UTS2R: variants seen among roughly 807,000 people sequenced by gnomAD.
UTS2R encodes the protein urotensin-2 receptor.
For missense variants in UTS2R, 653 were observed against 562.2 expected, an observed-to-expected ratio of 1.16 and a Z score of -1.63; for synonymous variants, 335 against 280.9, an observed-to-expected ratio of 1.19 and a Z score of -1.93.
Position 82,377,267 on chromosome 17 carries a change from CA to C in UTS2R, c.*1774del, listed in dbSNP as rs1427090612. On this transcript the variant is annotated 3_prime_UTR_variant, in exon 3 of 3. Transcript: ENST00000313135. Reference sequence around the variant, plus strand: ...TTGTTAAACAGATGCTTGAAGGCAGCACGCTCGTTAGGAGTCATCACCACTC... The same window carrying C: ...TTGTTAAACAGATGCTTGAAGGCAGCCGCTCGTTAGGAGTCATCACCACTC... Among the ~76,000 whole-genome samples the C allele has an allele frequency of 1.3e-5, 2 of 152,280 alleles. No homozygotes were observed. The highest frequency in any genetic ancestry group is 3.9e-4 in the East Asian group (2 of 5,192).
rs1280451594 is a variant in UTS2R at position 82,373,139 on chromosome 17, CT to C, written c.-83+361del. 2.6e-5 allele frequency among the ~76,000 whole-genome samples: 4 copies of C among 151,948 alleles called. No individual in the cohort carries two copies. The East Asian group carries it at 7.7e-4, about 29-fold the overall frequency. On this transcript the variant is annotated intron_variant, in intron 2 of 2. Transcript: ENST00000313135. ...TTCTTCCCTATATTTTTCTTACCAG[CT>C]TTTTGTCTATGTTTCTTCTTTTTTT...
At position 82,376,500 on chromosome 17, in the gene UTS2R, G is replaced by A. The variant is rs2143120182; in HGVS notation, c.*1006G>A. 6.6e-6 allele frequency among the ~76,000 whole-genome samples: 1 copy of A among 152,122 alleles called. No homozygotes were observed. The highest frequency in any genetic ancestry group is 2.1e-4 in the South Asian group (1 of 4,820). On this transcript the variant is annotated 3_prime_UTR_variant, in exon 3 of 3. Coordinates refer to ENST00000313135, the MANE Select transcript of UTS2R (RefSeq NM_018949.3). ...ATCTGAACACTGGGGCAAGGGTCAT[G>A]CCCGCTTGGTCCCTCCAGTGCCTAC... is the stretch of plus-strand genomic sequence containing the variant.
In UTS2R at chr17:82,374,574, G is replaced by A. The variant is rs1193511427; in HGVS notation, c.250G>A (p.Ala84Thr). The change falls in exon 3 of 3, where the codon GCC (alanine) becomes ACC (threonine). Residue 84 changes from alanine to threonine, a missense_variant. Physicochemically the swap from Ala to Thr is moderately conservative, Grantham distance 58. Transcript: ENST00000313135. ...VVTCRSLRAV[A>T]SMYVYVVNLA... ...CACCTGCCGCTCCCTGCGTGCGGTG[G>A]CCTCCATGTACGTCTACGTGGTCAA... The A allele has an allele frequency of 1.9e-6, 3 of 1,600,968 alleles. No individual in the cohort carries two copies. Among genetic ancestry groups the A allele is most frequent in the Non-Finnish European group, 2.6e-6 (3 of 1,174,354 alleles).
chr17:82,375,287 C>G lies in UTS2R; in HGVS notation c.963C>G (p.Asn321Lys). Residue 321 changes from asparagine to lysine, a missense_variant, in exon 3 of 3, where the codon AAC becomes AAG. Coordinates refer to ENST00000313135, the MANE Select transcript of UTS2R (RefSeq NM_018949.3). ...NPFLYTLLTR[N>K]YRDHLRGRVR... is the part of the protein sequence containing the mutation. ...TCCTCTACACGCTGCTCACCAGGAACTACCGCGACCACCTGCGCGGCCGCG... is the reference window on the plus strand; with the variant it reads ...TCCTCTACACGCTGCTCACCAGGAAGTACCGCGACCACCTGCGCGGCCGCG... The G allele has an allele frequency of 6.4e-7, 1 of 1,557,926 alleles. No homozygotes were observed. The highest frequency in any genetic ancestry group is 8.7e-7 in the Non-Finnish European group (1 of 1,152,990).
chr17:82,374,501 G>T lies in UTS2R; in HGVS notation c.177G>T (p.Ser59=). 1 of 1,587,978 alleles carries T rather than the reference G, an allele frequency of 6.3e-7. No individual in the cohort carries two copies. Among genetic ancestry groups the T allele is most frequent in the East Asian group, 2.3e-5 (1 of 43,752 alleles). The change falls in exon 3 of 3, where the codon TCG becomes TCT. Residue 59 remains serine, a synonymous_variant. Transcript: ENST00000313135. ...CGGGCACCATTGGGACTCTGCTGTC[G>T]GCCATGGGCGTGGTGGGCGTGGTGG... ...VATGTIGTLL[S]AMGVVGVVGN... is the part of the protein sequence containing the mutation.
rs116261219 is a variant in UTS2R at position 82,376,136 on chromosome 17, G to T, written c.*642G>T. On this transcript the variant is annotated 3_prime_UTR_variant, in exon 3 of 3. Coordinates refer to ENST00000313135, the MANE Select transcript of UTS2R (RefSeq NM_018949.3). ...GGTGGAGCAGGGAAGGCACTGCCCAGCAGAGGCCTGAGGCTTTGGGTGCAG... is the reference window on the plus strand; with the variant it reads ...GGTGGAGCAGGGAAGGCACTGCCCATCAGAGGCCTGAGGCTTTGGGTGCAG... Among the ~76,000 whole-genome samples the T allele has an allele frequency of 5.2e-3, 790 of 152,330 alleles. 7 individuals carry two copies. Among genetic ancestry groups the T allele is most frequent in the African/African-American group, 0.018 (751 of 41,566 alleles).
At position 82,375,504 on chromosome 17, in the gene UTS2R, G is replaced by A; in HGVS notation, c.*10G>A. ...CAGGGCCCCGGCGTGAGCACGCGGA[G>A]GGGCGGCTGGAGTCCAGGCGGGGAC... On this transcript the variant is annotated 3_prime_UTR_variant, in exon 3 of 3. Coordinates refer to ENST00000313135, the MANE Select transcript of UTS2R (RefSeq NM_018949.3). 1 of 1,203,224 alleles carries A rather than the reference G, an allele frequency of 8.3e-7. No homozygotes were observed. The highest frequency in any genetic ancestry group is 1.1e-6 in the Non-Finnish European group (1 of 898,266). The allele number at this position is 1,203,224 out of a possible 1,614,324, so 74.5% of individuals were successfully genotyped here. A position where few individuals can be genotyped will look rare whatever the true frequency, so the allele number is the denominator to read the frequency against.
intron 1 of UTS2R, among the ~76,000 whole-genome samples, 192 bp from the exon 2 acceptor site, chr17:82,372,406 G>A (rs548671145): frequency 6.6e-6 from 1 of 152,312 alleles, no homozygotes; most frequent in African/African-American, 2.4e-5. Flanking sequence ...GACAGATGGA[G>A]CTGGGAGCTG....
In UTS2R at chr17:82,375,344, GC is replaced by G. The variant is rs1468755611; in HGVS notation, c.1023del (p.Val342PhefsTer110). Reference sequence around the variant, plus strand: ...GCCCGGGCAGCGGGGGAGGCCGGGGGCCCGTTCCCTCCCTGCAGCCCCGCGC... The same window carrying G: ...GCCCGGGCAGCGGGGGAGGCCGGGGGCCGTTCCCTCCCTGCAGCCCCGCGC... ...RGPGSGGGRGPVPSLQPRARF... is the reference protein window; with the variant it reads ...RGPGSGGGRGXVPSLQPRARF... On this transcript the variant is annotated frameshift_variant, in exon 3 of 3. Transcript: ENST00000313135. LOFTEE classifies it low-confidence loss of function (END_TRUNC). 2.6e-6 allele frequency: 4 copies of G among 1,566,574 alleles called. No homozygotes were observed. Among genetic ancestry groups the G allele is most frequent in the East Asian group, 2.4e-5 (1 of 40,994 alleles).
At chr17:82,373,750 C>T (rs547082563) in intron 2 of UTS2R, among the ~76,000 whole-genome samples, 2 of 152,322 alleles carry the variant, frequency 1.3e-5, no homozygotes, top group South Asian at 4.1e-4. Flanking sequence ...ACATGTTCTT[C>T]TATTTGGACT....
chr17:82,372,291 C>A (rs1196222624), intron 1 of UTS2R, among the ~76,000 whole-genome samples: 1 of 152,182 alleles, frequency 6.6e-6, no homozygotes, highest in Non-Finnish European at 1.5e-5. Flanking sequence ...CTCGGGCTCG[C>A]GCACAACTGG....
rs1477697693 is a variant in UTS2R, at chr17:82,375,858, C to T, written c.*364C>T. Among the ~76,000 whole-genome samples the T allele has an allele frequency of 1.3e-5, 2 of 152,280 alleles. No homozygotes were observed. Among genetic ancestry groups the T allele is most frequent in the East Asian group, 3.8e-4 (2 of 5,202 alleles). ...TGTTCCTGCCTGTGTGGCTCCATCC[C>T]TTGTGGCTTTGCCACTGGAACAATC... On this transcript the variant is annotated 3_prime_UTR_variant, in exon 3 of 3. Transcript: ENST00000313135.
rs34582297 is a variant in UTS2R at position 82,374,867 on chromosome 17, G to A, written c.543G>A (p.Thr181=). Reference sequence around the variant, plus strand: ...CCTGGCTGCTGGCGCTGCTGCTGACGCTGCCCGTGATGCTGGCCATGCGGC... The same window carrying A: ...CCTGGCTGCTGGCGCTGCTGCTGACACTGCCCGTGATGCTGGCCATGCGGC... ...LGTWLLALLL[T]LPVMLAMRLV... is the part of the protein sequence containing the mutation. The change falls in exon 3 of 3, where the codon ACG becomes ACA. Residue 181 remains threonine (T), a synonymous_variant. Transcript: ENST00000313135. The A allele has an allele frequency of 2.9e-3, 3,869 of 1,331,736 alleles. 84 individuals are homozygous for A. In the African/African-American group the frequency reaches 0.048, roughly 17 times the overall value. 82.5% of individuals were successfully genotyped at this position (1,331,736 alleles called of 1,614,324 possible). A position where few individuals can be genotyped will look rare whatever the true frequency, so the allele number is the denominator to read the frequency against.
rs893744840 is a variant in UTS2R, at chr17:82,375,487, C to T, written c.1163C>T (p.Pro388Leu). Reference protein sequence around the residue: ...ARPAPEGPRAPA With the variant: ...ARPAPEGPRALA ...CCTGCGCCCGAGGGTCCCAGGGCCC[C>T]GGCGTGAGCACGCGGAGGGGCGGCT... Residue 388 changes from proline (P) to leucine (L), a missense_variant, in exon 3 of 3, where the codon CCG (proline) becomes CTG (leucine). Coordinates refer to ENST00000313135, the MANE Select transcript of UTS2R (RefSeq NM_018949.3). The T allele has an allele frequency of 2.2e-5, 30 of 1,355,698 alleles. No homozygotes were observed. Among genetic ancestry groups the T allele is most frequent in the Non-Finnish European group, 2.7e-5 (28 of 1,020,740 alleles). 84.0% of individuals were successfully genotyped at this position (1,355,698 alleles called of 1,614,324 possible).
At position 82,375,454 on chromosome 17, in the gene UTS2R, C is replaced by G. The variant is rs773515533; in HGVS notation, c.1130C>G (p.Pro377Arg). Residue 377 changes from proline to arginine, a missense_variant, in exon 3 of 3, where the codon CCG (proline) becomes CGG (arginine). Physicochemically the swap from Pro to Arg is moderately radical, Grantham distance 103. Transcript: ENST00000313135. Reference sequence around the variant, plus strand: ...AGCCTCGTGCTGGCCCCAGCGGCCCCGGCCCGACCTGCGCCCGAGGGTCCC... The same window carrying G: ...AGCCTCGTGCTGGCCCCAGCGGCCCGGGCCCGACCTGCGCCCGAGGGTCCC... ...TDSLVLAPAA[P>R]ARPAPEGPRA... 5 of 1,528,770 alleles carry G rather than the reference C, an allele frequency of 3.3e-6. No homozygotes were observed. In the South Asian group the frequency reaches 4.7e-5, roughly 14 times the overall value. 94.7% of individuals were successfully genotyped at this position (1,528,770 alleles called of 1,614,324 possible). A position where few individuals can be genotyped will look rare whatever the true frequency, so the allele number is the denominator to read the frequency against.
Position 82,375,248 on chromosome 17 carries a change from C to T in UTS2R, c.924C>T (p.Ser308=), listed in dbSNP as rs778464400. The change falls in exon 3 of 3, where the codon AGC becomes AGT. Residue 308 remains serine (S), a synonymous_variant. Transcript: ENST00000313135. ...CCACCTGCCTCACCTACGGCAACAGCTGCGCCAACCCCTTCCTCTACACGC... is the reference window on the plus strand; with the variant it reads ...CCACCTGCCTCACCTACGGCAACAGTTGCGCCAACCCCTTCCTCTACACGC... ...YLTTCLTYGN[S]CANPFLYTLL... The T allele has an allele frequency of 2.1e-5, 33 of 1,582,076 alleles. No individual in the cohort carries two copies. Among genetic ancestry groups the T allele is most frequent in the Non-Finnish European group, 2.8e-5 (33 of 1,165,444 alleles).
rs1567857673 is a variant in UTS2R, at chr17:82,375,309, CGCGTGCGGGGCCCGGGCA to C, written c.989_1006del (p.Val330_Ser335del). The C allele has an allele frequency of 5.2e-6, 8 of 1,547,256 alleles. No homozygotes were observed. ...GAACTACCGCGACCACCTGCGCGGC[CGCGTGCGGGGCCCGGGCA>C]GCGGGGGAGGCCGGGGGCCCGTTCC... On this transcript the variant is annotated inframe_deletion, in exon 3 of 3. Coordinates refer to ENST00000313135, the MANE Select transcript of UTS2R (RefSeq NM_018949.3).
In UTS2R at chr17:82,376,723, T is replaced by C. The variant is rs2052498748; in HGVS notation, c.*1229T>C. Among the ~76,000 whole-genome samples, 1 of 152,248 alleles carries C rather than the reference T, an allele frequency of 6.6e-6. No individual in the cohort carries two copies. On this transcript the variant is annotated 3_prime_UTR_variant, in exon 3 of 3. Transcript: ENST00000313135. ...AGCCAGTGCCACAGAACTGTGCACC[T>C]GAATGTGTGAGTTCTGTCGTGTTTT...
At chr17:82,372,252 C>T (rs1028682571) in intron 1 of UTS2R, among the ~76,000 whole-genome samples, 3 of 152,186 alleles carry the variant, frequency 2.0e-5, no homozygotes, top group African/African-American at 4.8e-5. Context: ...ATCCTAGCGG[C>T]CCGGCGGCCG....
Sources: allele counts gnomAD v4.1 joint callset (sites outside exome capture counted in the v4.1 genomes callset), GRCh38; gene constraint gnomAD v4.1.1; transcripts MANE v1.5; gene names NCBI Gene and HGNC (gene_info 2026-07-23, HGNC 2026-07-21).